The following SH3KBP1 variants were observed in gnomAD, a reference collection of about 807,000 sequenced individuals.
SH3KBP1 encodes the protein SH3 domain-containing kinase-binding protein 1.
A neutral mutation model predicts 50.1 loss-of-function variants in SH3KBP1; 8 were observed. The observed-to-expected ratio is 0.16, with a 90% confidence interval of 0.09 to 0.29. SH3KBP1 has a LOEUF of 0.29. Ranked by LOEUF, SH3KBP1 falls within the 10% of genes least tolerant of loss-of-function variation. SH3KBP1 has a pLI of 1.00. For missense variants in SH3KBP1, 377 were observed against 535.2 expected, an observed-to-expected ratio of 0.70 and a Z score of 2.92; for synonymous variants, 227 against 218.6, an observed-to-expected ratio of 1.04 and a Z score of -0.34.
At chrX:19,665,045 T>C (rs1378643641) in intron 6 of SH3KBP1, among the ~76,000 whole-genome samples, 1 of 111,802 alleles carries the variant, frequency 8.9e-6, no homozygotes, top group African/African-American at 3.3e-5. Context: ...TTGTGAATAA[T>C]CTAGAAAAGT....
chrX:19,627,318 C>G (rs1023876171), intron 8 of SH3KBP1, among the ~76,000 whole-genome samples: 2 of 112,353 alleles, frequency 1.8e-5, no homozygotes, highest in Admixed American at 1.9e-4. Flanking sequence ...CTCACCCTTG[C>G]AGCTGAGCCC....
chrX:19,683,491 A>G (rs149628721), intron 6 of SH3KBP1: 75 of 337,611 alleles, frequency 2.2e-4, no homozygotes, highest in Middle Eastern at 1.0e-3. Flanking sequence ...AGTGTCTGAA[A>G]AGTGTCAGGG....
chrX:19,639,230 A>G (rs773931372), intron 7 of SH3KBP1, among the ~76,000 whole-genome samples: 1 of 111,774 alleles, frequency 8.9e-6, no homozygotes, highest in Admixed American at 9.5e-5. Flanking sequence ...GAAGCTGACC[A>G]TAACTCCAAA....
At chrX:19,597,349 A>T (rs1244402819) in intron 9 of SH3KBP1, among the ~76,000 whole-genome samples, 1 of 112,367 alleles carries the variant, frequency 8.9e-6, no homozygotes, top group East Asian at 2.8e-4. Context: ...TGCTGTAAAC[A>T]GATGTGCTAT....
intron 8 of SH3KBP1, among the ~76,000 whole-genome samples, chrX:19,609,057 G>A (rs2067329211): frequency 8.9e-6 from 1 of 112,795 alleles, no homozygotes; most frequent in South Asian, 3.6e-4. Context: ...CTAGAGAAAG[G>A]ACAACGAGCA....
chrX:19,665,383 T>C (rs758887363), intron 6 of SH3KBP1, among the ~76,000 whole-genome samples: 3 of 112,137 alleles, frequency 2.7e-5, no homozygotes, highest in African/African-American at 6.5e-5. Context: ...ATAACTTTAA[T>C]TGAGGTGACA....
intron 12 of SH3KBP1, among the ~76,000 whole-genome samples, chrX:19,574,193 G>A (rs1221390160): frequency 9.0e-6 from 1 of 111,156 alleles, no homozygotes; most frequent in Non-Finnish European, 1.9e-5. Context: ...TCTCTTCCTC[G>A]TGTTTCCTGC....
At chrX:19,664,600 C>T (rs1157479366) in intron 6 of SH3KBP1, 4 of 111,687 alleles carry the variant, frequency 3.6e-5, no homozygotes, top group Middle Eastern at 4.7e-3. Flanking sequence ...TTGGGCACTG[C>T]GTACGAAAAT....
intron 7 of SH3KBP1, among the ~76,000 whole-genome samples, chrX:19,642,889 C>T (rs1232630870): frequency 9.0e-6 from 1 of 110,764 alleles, no homozygotes; most frequent in Admixed American, 9.6e-5. Context: ...AAAATACCAA[C>T]TCATATCAAC....
chrX:19,863,564 T>C (rs753320423), intron 1 of SH3KBP1, among the ~76,000 whole-genome samples: 1 of 112,298 alleles, frequency 8.9e-6, no homozygotes, highest in South Asian at 3.7e-4. Context: ...AACAGATTAT[T>C]TGTTAGAATT....
chrX:19,631,319 C>T (rs1485126974), intron 8 of SH3KBP1, among the ~76,000 whole-genome samples: 2 of 112,672 alleles, frequency 1.8e-5, no homozygotes, highest in Admixed American at 1.9e-4. Flanking sequence ...AATTGCATCA[C>T]TTCACACAGA....
At chrX:19,567,185 T>C (rs1157189534) in intron 13 of SH3KBP1, among the ~76,000 whole-genome samples, 2 of 107,650 alleles carry the variant, frequency 1.9e-5, no homozygotes, top group Non-Finnish European at 3.8e-5. Flanking sequence ...GGAAATGTTC[T>C]ATGTCTTGAC....
intron 5 of SH3KBP1, among the ~76,000 whole-genome samples, chrX:19,686,633 C>T (rs144958244): frequency 5.4e-4 from 60 of 110,961 alleles, no homozygotes; most frequent in African/African-American, 1.7e-3. Flanking sequence ...GCACAGGCGG[C>T]ACCCTGCATG....
intron 14 of SH3KBP1, among the ~76,000 whole-genome samples, chrX:19,549,064 C>T (rs746104470): frequency 2.7e-5 from 3 of 111,745 alleles, no homozygotes; most frequent in Middle Eastern, 4.6e-3. Context: ...TGCCCAATAA[C>T]GATACATTGG....
chrX:19,744,581 C>T (rs903183526), intron 3 of SH3KBP1, among the ~76,000 whole-genome samples: 29 of 111,976 alleles, frequency 2.6e-4, no homozygotes, highest in African/African-American at 9.1e-4. Context: ...TCCATGTACT[C>T]AGGTCCCACA....
At chrX:19,568,176 A>T (rs1411406690) in intron 13 of SH3KBP1, among the ~76,000 whole-genome samples, 1 of 111,716 alleles carries the variant, frequency 9.0e-6, no homozygotes, top group African/African-American at 3.3e-5. Context: ...AAGAATGAAT[A>T]AGACCTACTA....
At chrX:19,872,848 C>T (rs926553784) in intron 1 of SH3KBP1, among the ~76,000 whole-genome samples, 1 of 109,310 alleles carries the variant, frequency 9.1e-6, no homozygotes, top group Non-Finnish European at 1.9e-5. Flanking sequence ...CACACACACA[C>T]ACACACACAC....
At chrX:19,577,781 G>A (rs1311729947) in intron 12 of SH3KBP1, among the ~76,000 whole-genome samples, 1 of 110,875 alleles carries the variant, frequency 9.0e-6, no homozygotes, top group Non-Finnish European at 1.9e-5. Flanking sequence ...TTTTGGAGGT[G>A]AGCAAGGATG....
At chrX:19,830,896 G>A in intron 2 of SH3KBP1, among the ~76,000 whole-genome samples, 1 of 112,141 alleles carries the variant, frequency 8.9e-6, no homozygotes, top group Non-Finnish European at 1.9e-5. Context: ...AAAGGCATGT[G>A]GCCTAGCTGG....
Sources: gnomAD v4.1 joint callset for allele counts (sites outside exome capture counted in the v4.1 genomes callset) on GRCh38, gnomAD v4.1.1 for gene constraint, MANE v1.5 for transcripts, NCBI Gene and HGNC (gene_info 2026-07-23, HGNC 2026-07-21) for gene names.